METTL15: variants seen among roughly 807,000 people sequenced by gnomAD.
METTL15 encodes methyltransferase 15, mitochondrial 12S rRNA N4-cytidine, also known as 12S rRNA N(4)-cytidine methyltransferase METTL15.
METTL15 carries 34 observed loss-of-function variants against 38.3 expected under a neutral mutation model. That is an observed-to-expected ratio of 0.89 (90% CI 0.68 to 1.18). The LOEUF is 1.18. Ranked by LOEUF, METTL15 falls within the 50% of genes most tolerant of loss-of-function variation. The probability of loss-of-function intolerance (pLI) is 0.00; values close to 1 mark genes in which losing one functional copy is unlikely to be tolerated. For synonymous variants in METTL15, 162 were observed against 170.9 expected, an observed-to-expected ratio of 0.95 and a Z score of 0.41; for missense variants, 438 against 498.4, an observed-to-expected ratio of 0.88 and a Z score of 1.15.
intron 5 of METTL15, among the ~76,000 whole-genome samples, chr11:28,381,255 T>C (rs1850380081): frequency 6.6e-6 from 1 of 152,160 alleles, no homozygotes; most frequent in African/African-American, 2.4e-5. Context: ...TATCTTAGCC[T>C]CCCAAGTTGC....
At chr11:28,477,630 G>A (rs1851358238) in intron 6 of METTL15, 1 of 151,956 alleles carries the variant, frequency 6.6e-6, no homozygotes. Context: ...TTCCCTTATA[G>A]CATCCCTGGA....
intron 5 of METTL15, among the ~76,000 whole-genome samples, chr11:28,411,906 A>C (rs1009661232): frequency 1.3e-5 from 2 of 152,086 alleles, no homozygotes; most frequent in South Asian, 4.1e-4. Flanking sequence ...AGGAAAACAA[A>C]CAACCTGATT....
At chr11:28,368,549 T>C (rs771689074) in intron 5 of METTL15, among the ~76,000 whole-genome samples, 13 of 152,200 alleles carry the variant, frequency 8.5e-5, no homozygotes, top group Non-Finnish European at 1.5e-4. Context: ...TTTACACTGT[T>C]GGTGGGACTG....
At chr11:28,423,130 C>T (rs1270316983) in intron 5 of METTL15, among the ~76,000 whole-genome samples, 1 of 151,930 alleles carries the variant, frequency 6.6e-6, no homozygotes, top group Non-Finnish European at 1.5e-5. Context: ...AAACACAAAT[C>T]AAAATGATAA....
intron 3 of METTL15, among the ~76,000 whole-genome samples, chr11:28,151,728 A>G (rs147130320): frequency 7.9e-5 from 12 of 152,090 alleles, no homozygotes; most frequent in African/African-American, 2.6e-4. Flanking sequence ...TACTTTATAT[A>G]TTTCTAGCAT....
At chr11:28,161,346 C>G (rs1590839996) in intron 3 of METTL15, among the ~76,000 whole-genome samples, 4 of 151,990 alleles carry the variant, frequency 2.6e-5, no homozygotes, top group Admixed American at 2.6e-4. Context: ...GCTCCAACTC[C>G]TGGCCTCAAG....
At chr11:28,256,196 T>C (rs538269805) in intron 4 of METTL15, among the ~76,000 whole-genome samples, 4 of 152,336 alleles carry the variant, frequency 2.6e-5, no homozygotes, top group African/African-American at 9.6e-5. Context: ...GGTATCAGGG[T>C]AATACTAGCC....
At chr11:28,345,194 CGTT>C (rs1024115810) in intron 3 of METTL15, among the ~76,000 whole-genome samples, 3 of 151,904 alleles carry the variant, frequency 2.0e-5, no homozygotes, top group Admixed American at 6.6e-5. Context: ...TTGTTGTTGT[CGTT>C]GTTATCATTG....
At chr11:28,221,072 G>C (rs1384175388) in intron 4 of METTL15, among the ~76,000 whole-genome samples, 9 of 152,024 alleles carry the variant, frequency 5.9e-5, no homozygotes, top group Admixed American at 3.9e-4. Context: ...TATCTTTGTG[G>C]TGTTCTCTGT....
chr11:28,344,707 C>T (rs1323225493), intron 3 of METTL15, among the ~76,000 whole-genome samples: 2 of 152,160 alleles, frequency 1.3e-5, no homozygotes, highest in Non-Finnish European at 2.9e-5. Flanking sequence ...CAAAGCTAAG[C>T]TGGGCCCTCA....
At chr11:28,469,473 C>T (rs2641228) in intron 6 of METTL15, among the ~76,000 whole-genome samples, 150,776 of 152,204 alleles carry the variant, frequency 0.99, 74,701 homozygotes, top group Middle Eastern at 1. Flanking sequence ...TATATTATTA[C>T]TAATTGTAGT....
chr11:28,296,415 G>C (rs1381051803), intron 5 of METTL15, among the ~76,000 whole-genome samples: 30 of 151,986 alleles, frequency 2.0e-4, no homozygotes, highest in Admixed American at 2.0e-3. Flanking sequence ...TTTAAATTTT[G>C]AACAACTTAA....
At chr11:28,207,386 G>T (rs569649766) in intron 3 of METTL15, among the ~76,000 whole-genome samples, 5 of 151,996 alleles carry the variant, frequency 3.3e-5, no homozygotes, top group African/African-American at 1.2e-4. Flanking sequence ...TTTGTCTTTG[G>T]TTCTGTTTAT....
At chr11:28,242,150 T>C (rs1854326854) in intron 4 of METTL15, among the ~76,000 whole-genome samples, 1 of 152,192 alleles carries the variant, frequency 6.6e-6, no homozygotes, top group Non-Finnish European at 1.5e-5. Context: ...AGGTATTTGG[T>C]ATTTGTATAG....
At chr11:28,142,798 T>C (rs144798898) in intron 3 of METTL15, among the ~76,000 whole-genome samples, 116 of 152,234 alleles carry the variant, frequency 7.6e-4, no homozygotes, top group African/African-American at 2.4e-3. Context: ...CTAGATTAGA[T>C]AGATATTTTG....
chr11:28,278,657 T>G (rs1041058067), intron 4 of METTL15, among the ~76,000 whole-genome samples: 8 of 152,222 alleles, frequency 5.3e-5, no homozygotes, highest in African/African-American at 1.9e-4. Flanking sequence ...TCTTCAGTCC[T>G]TACCTCTCTC....
At chr11:28,461,747 G>T (rs1054969183) in intron 6 of METTL15, among the ~76,000 whole-genome samples, 1 of 151,974 alleles carries the variant, frequency 6.6e-6, no homozygotes, top group Non-Finnish European at 1.5e-5. Context: ...CCTTTTTTGT[G>T]TAAGTTTATG....
chr11:28,157,629 T>C (rs559722683), intron 3 of METTL15, among the ~76,000 whole-genome samples: 18 of 152,274 alleles, frequency 1.2e-4, no homozygotes, highest in African/African-American at 4.3e-4. Flanking sequence ...ACTGGGTACT[T>C]TCTGGCCCAT....
At chr11:28,252,108 C>G (rs1181312758) in intron 4 of METTL15, among the ~76,000 whole-genome samples, 1 of 152,124 alleles carries the variant, frequency 6.6e-6, no homozygotes, top group Non-Finnish European at 1.5e-5. Context: ...AAGGCATGCT[C>G]TCAATGTGAA....
Sources: allele counts gnomAD v4.1 joint callset (sites outside exome capture counted in the v4.1 genomes callset), GRCh38; gene constraint gnomAD v4.1.1; transcripts MANE v1.5; gene names NCBI Gene and HGNC (gene_info 2026-07-23, HGNC 2026-07-21).